The following SLC30A5 variants were observed in gnomAD, a reference collection of about 807,000 sequenced individuals.
The protein encoded by SLC30A5 is proton-coupled zinc antiporter SLC30A5.
A neutral mutation model predicts 79.6 loss-of-function variants in SLC30A5; 33 were observed. The observed-to-expected ratio is 0.41, with a 90% CI of 0.31 to 0.55. SLC30A5 has a LOEUF of 0.55. Among genes scored for constraint, SLC30A5 ranks in the 20% least tolerant of loss-of-function variants. SLC30A5 has a pLI of 0.20. For synonymous variants in SLC30A5, 299 were observed against 319.7 expected (o/e 0.94, Z 0.69); for missense variants, 788 against 928.1 (o/e 0.85, Z 1.96).
chr5:69,121,340 G>A (rs567585787), intron 12 of SLC30A5, among the ~76,000 whole-genome samples: 166 of 152,260 alleles, frequency 1.1e-3, no homozygotes, highest in African/African-American at 3.9e-3. Flanking sequence ...CAGGTACAGT[G>A]TATACTTGCC....
chr5:69,115,500 T>G, intron 8 of SLC30A5, 93 bp downstream of exon 8: 2 of 1,054,688 alleles, frequency 1.9e-6, no homozygotes, highest in Non-Finnish European at 2.7e-6. Context: ...AAATTATATT[T>G]TAATTTGAGG....
chr5:69,108,022 A>G (rs1580172469), intron 4 of SLC30A5, among the ~76,000 whole-genome samples: 1 of 152,234 alleles, frequency 6.6e-6, no homozygotes, highest in East Asian at 1.9e-4. Flanking sequence ...GAGCCACCAT[A>G]CCCAGCCACA....
chr5:69,102,773 A>T (rs1745966293), intron 2 of SLC30A5: 1 of 175,778 alleles, frequency 5.7e-6, no homozygotes, highest in Non-Finnish European at 1.2e-5. Flanking sequence ...AGGCAGGAGA[A>T]TTGCTTGAAC....
At chr5:69,114,558 A>T in intron 7 of SLC30A5, 62 bp downstream of exon 7, 1 of 1,016,844 alleles carries the variant, frequency 9.8e-7, no homozygotes, top group Non-Finnish European at 1.5e-6. Flanking sequence ...AACTATAACT[A>T]TAAAGGTACA....
At chr5:69,115,656 TGAA>T (rs1274031919) in intron 8 of SLC30A5, among the ~76,000 whole-genome samples, 2 of 152,232 alleles carry the variant, frequency 1.3e-5, no homozygotes, top group Admixed American at 1.3e-4. Context: ...AGGAATCATT[TGAA>T]GAAGGAGCAA....
In SLC30A5 at chr5:69,109,746, C is replaced by T. The variant is rs533844163; in HGVS notation, c.447+1310C>T. ...TTTTGTTAAATGAGTTACCAATCTACAATTCCAAACTGTTAGAACTATATA... is the reference window on the plus strand; with the variant it reads ...TTTTGTTAAATGAGTTACCAATCTATAATTCCAAACTGTTAGAACTATATA... On this transcript the variant is annotated intron_variant, in intron 5 of 15. Transcript: ENST00000396591. Among the ~76,000 whole-genome samples, 172 of 152,304 alleles carry T rather than the reference C, an allele frequency of 1.1e-3. 1 individual carries two copies. Among genetic ancestry groups the T allele is most frequent in the Non-Finnish European group, 2.2e-3 (147 of 68,026 alleles).
rs1258195552 is a variant in SLC30A5, at chr5:69,094,113, G to C, written c.-143G>C. 1.6e-5 allele frequency: 7 copies of C among 426,852 alleles called. No individual in the cohort carries two copies. The highest frequency in any genetic ancestry group is 2.9e-5 in the Non-Finnish European group (7 of 243,914). 26.4% of individuals were successfully genotyped at this position (426,852 alleles called of 1,614,324 possible). On this transcript the variant is annotated 5_prime_UTR_variant, in exon 1 of 16. Transcript: ENST00000396591. ...CTAGTGAGCCGGAGCCGGCGACGGC[G>C]GCAGTGGCGGCCCGGCCTGCAGGAG...
intron 11 of SLC30A5, 85 bp from the exon 12 acceptor site, chr5:69,118,414 T>C: frequency 8.9e-7 from 1 of 1,125,844 alleles, no homozygotes; most frequent in Non-Finnish European, 1.2e-6. Context: ...AGTATGAAAA[T>C]TTGGACTTGT....
chr5:69,108,821 CAAAAA>C (rs5868569), intron 5 of SLC30A5, among the ~76,000 whole-genome samples: 1 of 99,090 alleles, frequency 1.0e-5, no homozygotes. Context: ...GACTCAGCCT[CAAAAA>C]AAAAAAAAAA....
At chr5:69,123,888 G>A (rs1016713773) in intron 14 of SLC30A5, among the ~76,000 whole-genome samples, 1 of 152,092 alleles carries the variant, frequency 6.6e-6, no homozygotes, top group African/African-American at 2.4e-5. Context: ...AGAATTAAGT[G>A]ACAAAACTAA....
At chr5:69,113,660 C>T (rs1746290837) in intron 6 of SLC30A5, among the ~76,000 whole-genome samples, 1 of 152,166 alleles carries the variant, frequency 6.6e-6, no homozygotes, top group African/African-American at 2.4e-5. Flanking sequence ...TTATCTCTAG[C>T]TCAGCCCCAA....
intron 2 of SLC30A5, among the ~76,000 whole-genome samples, chr5:69,102,272 T>TC (rs1164861379): frequency 1.3e-5 from 2 of 151,394 alleles, no homozygotes; most frequent in East Asian, 4.1e-4. Flanking sequence ...CAGGCTGGTC[T>TC]CCAACTCCTG....
chr5:69,121,552 C>A, intron 12 of SLC30A5, 142 bp from the exon 13 acceptor site: 1 of 560,352 alleles, frequency 1.8e-6, no homozygotes, highest in Non-Finnish European at 3.1e-6. Context: ...AAATTTTGGA[C>A]TTACTGAAAC....
chr5:69,118,724 G>T, intron 12 of SLC30A5, 96 bp downstream of exon 12: 1 of 1,058,062 alleles, frequency 9.5e-7, no homozygotes, highest in Non-Finnish European at 1.3e-6. Context: ...GCTCTAAGAA[G>T]GTTTTATTTT....
chr5:69,115,009 A>G (rs1201950483), intron 7 of SLC30A5, among the ~76,000 whole-genome samples: 1 of 152,064 alleles, frequency 6.6e-6, no homozygotes. Flanking sequence ...GTGTGCCAGT[A>G]GTCCCGGCTA....
At chr5:69,111,596 G>C (rs1420282603) in intron 5 of SLC30A5, among the ~76,000 whole-genome samples, 1 of 152,122 alleles carries the variant, frequency 6.6e-6, no homozygotes, top group Admixed American at 6.6e-5. Context: ...GAGCCACCAC[G>C]CCTGGCCTTT....
At chr5:69,104,772 A>G (rs1580170126) in intron 4 of SLC30A5, 56 bp downstream of exon 4, 1 of 1,319,524 alleles carries the variant, frequency 7.6e-7, no homozygotes, top group African/African-American at 1.6e-5. Flanking sequence ...TTTGAATATT[A>G]TTTTTGTTCC....
At chr5:69,100,981 C>G (rs1202867416) in intron 2 of SLC30A5, 52 bp downstream of exon 2, 1 of 1,503,904 alleles carries the variant, frequency 6.6e-7, no homozygotes, top group South Asian at 1.3e-5. Flanking sequence ...TTTGAAAATC[C>G]TGTTTTAACA....
intron 14 of SLC30A5, among the ~76,000 whole-genome samples, chr5:69,124,317 T>G (rs957344913): frequency 1.3e-5 from 2 of 151,314 alleles, no homozygotes; most frequent in African/African-American, 4.8e-5. Flanking sequence ...AATTATGGTA[T>G]GTAATGTAAA....
Sources: gnomAD v4.1 joint callset for allele counts (sites outside exome capture counted in the v4.1 genomes callset) on GRCh38, gnomAD v4.1.1 for gene constraint, MANE v1.5 for transcripts, NCBI Gene and HGNC (gene_info 2026-07-23, HGNC 2026-07-21) for gene names.